The following RALGPS2 variants were observed in gnomAD, a reference collection of about 807,000 sequenced individuals.
RALGPS2 encodes Ral GEF with PH domain and SH3 binding motif 2, also known as ras-specific guanine nucleotide-releasing factor RalGPS2.
Under a neutral mutation model 86.8 loss-of-function variants are expected in RALGPS2, and 43 were observed. The observed-to-expected ratio is 0.50, with a 90% CI of 0.39 to 0.64. The LOEUF (loss-of-function observed/expected upper bound fraction) is 0.64. RALGPS2 is among the 30% of genes least tolerant of loss of function. The probability of loss-of-function intolerance (pLI) is 0.00; values close to 1 mark genes in which losing one functional copy is unlikely to be tolerated. For synonymous variants in RALGPS2, 243 were observed against 231.3 expected (o/e 1.05, Z -0.46); for missense variants, 536 against 694.6 (o/e 0.77, Z 2.57).
intron 8 of RALGPS2, among the ~76,000 whole-genome samples, chr1:178,845,449 A>G (rs1409567278): frequency 6.6e-6 from 1 of 152,126 alleles, no homozygotes; most frequent in African/African-American, 2.4e-5. Context: ...TGATATTTTC[A>G]TTAATCTGTC....
intron 1 of RALGPS2, among the ~76,000 whole-genome samples, chr1:178,765,706 T>C (rs1652470268): frequency 6.6e-6 from 1 of 152,186 alleles, no homozygotes; most frequent in East Asian, 1.9e-4. Context: ...TCGTCCCTTA[T>C]CTACAACCAT....
intron 2 of RALGPS2, among the ~76,000 whole-genome samples, chr1:178,783,696 C>G (rs992906687): frequency 6.6e-6 from 1 of 152,044 alleles, no homozygotes; most frequent in African/African-American, 2.4e-5. Context: ...TTTAATAGAG[C>G]CTGATCTAAA....
chr1:178,811,232 T>C, intron 5 of RALGPS2, 83 bp from the exon 6 acceptor site: 2 of 1,082,808 alleles, frequency 1.8e-6, no homozygotes. Flanking sequence ...CTTACCTAAT[T>C]CTGCCAAAAT....
At chr1:178,728,403 T>TA (rs1650150567) in intron 1 of RALGPS2, among the ~76,000 whole-genome samples, 1 of 1,220 alleles carries the variant, frequency 8.2e-4, no homozygotes, top group Non-Finnish European at 6.2e-3. Flanking sequence ...GAAAGTATGC[T>TA]TTTTTTTTTT....
rs982138676 is a variant in RALGPS2, at chr1:178,920,843, T to A, written c.*4484T>A. ...AAATCCCTTTGGCCAGAAATGAGAT[T>A]TATTTCCATTTATTTTTACATTTAA... On this transcript the variant is annotated 3_prime_UTR_variant, in exon 20 of 20. Coordinates refer to ENST00000367635, the MANE Select transcript of RALGPS2 (RefSeq NM_152663.5). 7.9e-5 allele frequency: 12 copies of A among 151,804 alleles called. No individual in the cohort carries two copies. The highest frequency in any genetic ancestry group is 2.7e-4 in the African/African-American group (11 of 41,280). 9.4% of individuals were successfully genotyped at this position (151,804 alleles called of 1,614,324 possible). A position where few individuals can be genotyped will look rare whatever the true frequency, so the allele number is the denominator to read the frequency against.
intron 4 of RALGPS2, among the ~76,000 whole-genome samples, chr1:178,790,755 ATGAT>A (rs1653912615): frequency 1.3e-5 from 2 of 152,202 alleles, no homozygotes; most frequent in Non-Finnish European, 2.9e-5. Flanking sequence ...GTTTTCCAAA[ATGAT>A]TGTACAGATA....
chr1:178,792,275 T>C (rs938902620), intron 4 of RALGPS2, among the ~76,000 whole-genome samples: 2 of 152,180 alleles, frequency 1.3e-5, no homozygotes, highest in Admixed American at 1.3e-4. Flanking sequence ...TTCACTCATA[T>C]TTTGTTAAGT....
At chr1:178,785,699 A>C in intron 4 of RALGPS2, 92 bp downstream of exon 4, 1 of 1,441,596 alleles carries the variant, frequency 6.9e-7, no homozygotes, top group Non-Finnish European at 9.3e-7. Context: ...CTTCATATTA[A>C]TTTTAAAATG....
chr1:178,889,748 A>G (rs750139366), intron 14 of RALGPS2, 52 bp downstream of exon 14: 3 of 1,278,066 alleles, frequency 2.3e-6, no homozygotes, highest in African/African-American at 3.0e-5. Context: ...GTCTGGGTTA[A>G]ATAATATAAT....
intron 7 of RALGPS2, among the ~76,000 whole-genome samples, chr1:178,827,343 G>A (rs1040705909): frequency 6.6e-6 from 1 of 150,562 alleles, no homozygotes; most frequent in Non-Finnish European, 1.5e-5. Flanking sequence ...TCTCAGAATA[G>A]CCAAAGCAAT....
intron 8 of RALGPS2, among the ~76,000 whole-genome samples, chr1:178,875,885 G>A (rs376923011): frequency 6.6e-6 from 1 of 152,258 alleles, no homozygotes; most frequent in Middle Eastern, 3.4e-3. Flanking sequence ...TTGAGATTTC[G>A]GAAGAAGAGA....
intron 1 of RALGPS2, among the ~76,000 whole-genome samples, chr1:178,769,036 G>A (rs1358795092): frequency 1.3e-5 from 2 of 150,800 alleles, no homozygotes; most frequent in Non-Finnish European, 3.0e-5. Context: ...GATCTGCCTG[G>A]ATATGAAGCA....
In RALGPS2 at chr1:178,796,191, G is replaced by C. The variant is rs551191396; in HGVS notation, c.213+10584G>C. ...AGATAGGAAAAGAAAGCTCCTGCCTGTATCTGTGATCTCATTATACGGACA... is the reference window on the plus strand; with the variant it reads ...AGATAGGAAAAGAAAGCTCCTGCCTCTATCTGTGATCTCATTATACGGACA... On this transcript the variant is annotated intron_variant, in intron 4 of 19. Coordinates refer to ENST00000367635, the MANE Select transcript of RALGPS2 (RefSeq NM_152663.5). Among the ~76,000 whole-genome samples the C allele has an allele frequency of 2.6e-5, 4 of 152,288 alleles. No individual in the cohort carries two copies. In the South Asian group the frequency reaches 8.3e-4, roughly 32 times the overall value.
intron 8 of RALGPS2, among the ~76,000 whole-genome samples, chr1:178,872,942 A>T (rs1658832940): frequency 6.6e-6 from 1 of 152,242 alleles, no homozygotes; most frequent in South Asian, 2.1e-4. Context: ...TAGAGAAAGT[A>T]CATGTAGAAT....
chr1:178,776,556 T>G, intron 1 of RALGPS2, 126 bp from the exon 2 acceptor site: 1 of 395,780 alleles, frequency 2.5e-6, no homozygotes, highest in South Asian at 5.7e-5. Flanking sequence ...ATTTAGCGAC[T>G]GAGCTAAGAT....
At chr1:178,853,153 A>G in intron 8 of RALGPS2, 3 of 985,302 alleles carry the variant, frequency 3.0e-6, no homozygotes, top group South Asian at 4.7e-5. Flanking sequence ...TTTGCTTCTG[A>G]TATGTCAGTA....
At position 178,821,585 on chromosome 1, in the gene RALGPS2, C is replaced by G. The variant is rs1270328575; in HGVS notation, c.388-27C>G. The G allele has an allele frequency of 1.9e-6, 3 of 1,560,936 alleles. No homozygotes were observed. The African/African-American group carries it at 4.1e-5, about 21-fold the overall frequency. On this transcript the variant is annotated intron_variant, in intron 6 of 19. Transcript: ENST00000367635. The stretch of plus-strand genomic sequence containing the variant: ...ATTCATGTTGTTCTTTTTCATCCCT[C>G]TCCCCCATTTTTTTTCAAATCTTCA...
chr1:178,792,638 A>G (rs560922851), intron 4 of RALGPS2, among the ~76,000 whole-genome samples: 1 of 152,048 alleles, frequency 6.6e-6, no homozygotes, highest in South Asian at 2.1e-4. Flanking sequence ...GTGTTTCCAT[A>G]CTGGTGCTGC....
intron 4 of RALGPS2, among the ~76,000 whole-genome samples, chr1:178,805,418 C>T (rs1421416027): frequency 1.3e-5 from 2 of 151,384 alleles, no homozygotes; most frequent in African/African-American, 2.4e-5. Context: ...TTAGGTCTAA[C>T]GTTTAAGTCT....
Sources: gnomAD v4.1 joint callset for allele counts (sites outside exome capture counted in the v4.1 genomes callset) on GRCh38, gnomAD v4.1.1 for gene constraint, MANE v1.5 for transcripts, NCBI Gene and HGNC (gene_info 2026-07-23, HGNC 2026-07-21) for gene names.